The following KCNN3 variants were observed in gnomAD, a reference collection of about 807,000 sequenced individuals.
The protein encoded by KCNN3 is potassium calcium-activated channel subfamily N member 3, also known as small conductance calcium-activated potassium channel protein 3.
KCNN3 carries 16 observed loss-of-function variants against 62.9 expected under a neutral mutation model. The ratio of observed to expected loss-of-function variants is 0.25; its 90% CI spans 0.17 to 0.39. KCNN3 has a LOEUF of 0.39. Ranked by LOEUF, KCNN3 falls within the 10% of genes least tolerant of loss-of-function variation. The probability of loss-of-function intolerance (pLI) is 1.00; values close to 1 mark genes in which losing one functional copy is unlikely to be tolerated. For synonymous variants in KCNN3, 370 were observed against 389.2 expected (o/e 0.95, Z 0.58); for missense variants, 599 against 949.4 (o/e 0.63, Z 4.85).
At chr1:154,801,022 C>T (rs547811160) in intron 2 of KCNN3, among the ~76,000 whole-genome samples, 2 of 152,204 alleles carry the variant, frequency 1.3e-5, no homozygotes, top group Non-Finnish European at 2.9e-5. Flanking sequence ...TCCAACCAGA[C>T]CTTATCCCCC....
chr1:154,721,645 C>T (rs1700351710), intron 5 of KCNN3, among the ~76,000 whole-genome samples: 1 of 152,034 alleles, frequency 6.6e-6, no homozygotes, highest in Admixed American at 6.6e-5. Flanking sequence ...GGGCAGTCAG[C>T]CACCAGAGGT....
intron 1 of KCNN3, among the ~76,000 whole-genome samples, chr1:154,844,108 C>T (rs911339001): frequency 3.3e-5 from 5 of 152,192 alleles, no homozygotes; most frequent in South Asian, 4.1e-4. Flanking sequence ...GAATGTCCCC[C>T]GTTACACACA....
rs758076087 is a variant in KCNN3 at position 154,733,050 on chromosome 1, G to A, written c.1543C>T (p.Pro515Ser). ...ACACCTTTCCCACAGTATGTGTGGG[G>A]CACCATGTCCCCATAACCAATGGAA... Reference protein sequence around the residue: ...FLSIGYGDMVPHTYCGKGVCL... With the variant: ...FLSIGYGDMVSHTYCGKGVCL... The change falls in exon 4 of 8, where the codon CCC (proline) becomes TCC (serine). Residue 515 changes from proline (P) to serine (S), a missense_variant. Pro to Ser is a moderately conservative substitution (Grantham distance 74). Around this residue, in one of 7 missense-constraint regions of KCNN3, gnomAD observed 288 missense variants for 557.4 expected, o/e 0.52. Coordinates refer to ENST00000271915, the MANE Select transcript of KCNN3 (RefSeq NM_002249.6). 2.5e-5 allele frequency: 40 copies of A among 1,613,810 alleles called. No individual in the cohort carries two copies. Among genetic ancestry groups the A allele is most frequent in the Non-Finnish European group, 3.1e-5 (37 of 1,179,810 alleles).
At chr1:154,747,732 T>C (rs771249563) in intron 3 of KCNN3, among the ~76,000 whole-genome samples, 1 of 152,232 alleles carries the variant, frequency 6.6e-6, no homozygotes, top group African/African-American at 2.4e-5. Context: ...TGGAAACTGT[T>C]GGCTGATAGA....
chr1:154,772,282 C>T lies in KCNN3; in HGVS notation c.1141G>A (p.Glu381Lys), dbSNP rs76610518. 2.1e-5 allele frequency: 34 copies of T among 1,614,078 alleles called. No homozygotes were observed. In the Middle Eastern group the frequency reaches 8.2e-4, roughly 39 times the overall value. The part of the protein sequence containing the change: ...LVCAIHPIPG[E>K]YKFFWTARLA... Reference sequence around the variant, plus strand: ...CGTGCCGTCCAGAAGAACTTGTACTCGCCAGGAATGGGGTGGATGGCGCAC... The same window carrying T: ...CGTGCCGTCCAGAAGAACTTGTACTTGCCAGGAATGGGGTGGATGGCGCAC... The change falls in exon 3 of 8, where the codon GAG (glutamate) becomes AAG (lysine). Residue 381 changes from glutamate (E) to lysine (K), a missense_variant. Physicochemically the swap from Glu to Lys is moderately conservative, Grantham distance 56. Around this residue, in one of 7 missense-constraint regions of KCNN3, gnomAD observed 288 missense variants for 557.4 expected, o/e 0.52. Coordinates refer to ENST00000271915, the MANE Select transcript of KCNN3 (RefSeq NM_002249.6). The surrounding 1 kb of genome is among the most constrained non-coding windows in gnomAD (Gnocchi z 5.6).
intron 2 of KCNN3, among the ~76,000 whole-genome samples, chr1:154,798,668 G>A (rs1030794618): frequency 6.6e-6 from 1 of 152,212 alleles, no homozygotes; most frequent in Non-Finnish European, 1.5e-5. Flanking sequence ...CACATCACAA[G>A]CATTCTCTGG....
At chr1:154,746,387 A>C (rs1352976637) in intron 3 of KCNN3, among the ~76,000 whole-genome samples, 1 of 152,008 alleles carries the variant, frequency 6.6e-6, no homozygotes, top group Non-Finnish European at 1.5e-5. Context: ...GGTGAGTTGG[A>C]GGGAGAAGCA....
intron 2 of KCNN3, among the ~76,000 whole-genome samples, chr1:154,799,128 G>A (rs1439833865): frequency 6.6e-6 from 1 of 152,026 alleles, no homozygotes; most frequent in Non-Finnish European, 1.5e-5. Context: ...TGTTGGCCAG[G>A]CTGGTCTCGA....
chr1:154,819,039 G>T (rs1476546852), intron 2 of KCNN3, among the ~76,000 whole-genome samples: 1 of 152,188 alleles, frequency 6.6e-6, no homozygotes, highest in African/African-American at 2.4e-5. Context: ...CAAAGGTCCT[G>T]ACATCACCCA....
At chr1:154,839,771 TGGCC>T (rs1490724948) in intron 1 of KCNN3, among the ~76,000 whole-genome samples, 1 of 151,826 alleles carries the variant, frequency 6.6e-6, no homozygotes, top group African/African-American at 2.4e-5. Flanking sequence ...CCCTGGCCAC[TGGCC>T]ACTGGTGGAA....
rs1420041370 is a variant in KCNN3, at chr1:154,862,926, TA to T, written c.933+6105del. ...AGGGAAAGGGCATGAACTTGGGAGC[TA>T]AACGGGCTTGGGTTCTTATCTCAGT... On this transcript the variant is annotated intron_variant, in intron 1 of 7. Coordinates refer to ENST00000271915, the MANE Select transcript of KCNN3 (RefSeq NM_002249.6). This position sits in a 1 kb window ranked among gnomAD's most constrained non-coding sequence, Gnocchi z 4.1. Among the ~76,000 whole-genome samples, 2 of 152,178 alleles carry T rather than the reference TA, an allele frequency of 1.3e-5. No homozygotes were observed. The highest frequency in any genetic ancestry group is 2.9e-5 in the Non-Finnish European group (2 of 68,026).
chr1:154,822,645 G>A (rs918642067), intron 1 of KCNN3, among the ~76,000 whole-genome samples: 6 of 152,236 alleles, frequency 3.9e-5, no homozygotes, highest in African/African-American at 1.4e-4. Flanking sequence ...GATTTCGGAG[G>A]CAGAATTCTT....
intron 6 of KCNN3, 65 bp downstream of exon 6, chr1:154,714,811 A>G: frequency 6.2e-7 from 1 of 1,601,140 alleles, no homozygotes. Context: ...CTACTGACAG[A>G]GTTGTAGGAG....
chr1:154,792,512 G>A (rs1649558307), intron 2 of KCNN3, among the ~76,000 whole-genome samples: 1 of 152,220 alleles, frequency 6.6e-6, no homozygotes, highest in African/African-American at 2.4e-5. Flanking sequence ...GTTTATTCAG[G>A]TAATATCCAG....
At chr1:154,833,873 A>G (rs1473670357) in intron 1 of KCNN3, among the ~76,000 whole-genome samples, 1 of 152,256 alleles carries the variant, frequency 6.6e-6, no homozygotes, top group Non-Finnish European at 1.5e-5. Context: ...CAGGTTCTCT[A>G]TCTTCTTTTG....
rs2101751408 is a variant in KCNN3 at position 154,705,670 on chromosome 1, A to T, written c.*2306T>A. 1 of 152,344 alleles carries T rather than the reference A, an allele frequency of 6.6e-6. No individual in the cohort carries two copies. The highest frequency in any genetic ancestry group is 1.5e-5 in the Non-Finnish European group (1 of 68,048). 9.4% of individuals were successfully genotyped at this position (152,344 alleles called of 1,614,324 possible). ...AGGAAGAGTGGCAGTGGAATCTTGC[A>T]TGTCATTTGGTTGAAATTAAGACTA... On this transcript the variant is annotated 3_prime_UTR_variant, in exon 8 of 8. Coordinates refer to ENST00000271915, the MANE Select transcript of KCNN3 (RefSeq NM_002249.6).
chr1:154,740,594 A>T (rs1700805685), intron 3 of KCNN3, among the ~76,000 whole-genome samples: 1 of 152,242 alleles, frequency 6.6e-6, no homozygotes, highest in Non-Finnish European at 1.5e-5. Flanking sequence ...GCCAGTGCCA[A>T]TTAGGCTTCC....
chr1:154,836,543 G>C (rs1428534862), intron 1 of KCNN3, among the ~76,000 whole-genome samples: 2 of 152,238 alleles, frequency 1.3e-5, no homozygotes, highest in African/African-American at 4.8e-5. Context: ...GGTTCTTGCT[G>C]ACTGTGGCTG....
At chr1:154,714,505 G>T (rs200646714) in intron 6 of KCNN3, among the ~76,000 whole-genome samples, 3 of 108,490 alleles carry the variant, frequency 2.8e-5, no homozygotes, top group Admixed American at 9.2e-5. Context: ...GGTGTGTGTG[G>T]GGTGTGTGTG....
Sources: gnomAD v4.1 joint callset for allele counts (sites outside exome capture counted in the v4.1 genomes callset) on GRCh38, gnomAD v4.1.1 for gene constraint, gnomAD v4.1.1 regional missense constraint, Gnocchi (gnomAD v3.1) non-coding constraint, MANE v1.5 for transcripts, NCBI Gene and HGNC (gene_info 2026-07-23, HGNC 2026-07-21) for gene names.